The following CPA3 variants were observed in gnomAD, a reference collection of about 807,000 sequenced individuals.
CPA3 encodes carboxypeptidase A3, also known as mast cell carboxypeptidase A.
CPA3 carries 52 observed loss-of-function variants against 55.8 expected under a neutral mutation model. The observed-to-expected ratio is 0.93, with a 90% CI of 0.75 to 1.17. CPA3 has a LOEUF of 1.17. Among genes scored for constraint, CPA3 ranks in the 50% most tolerant of loss-of-function variants. The probability of loss-of-function intolerance (pLI) is 0.00; values close to 1 mark genes in which losing one functional copy is unlikely to be tolerated. For missense variants in CPA3, 547 were observed against 509.1 expected (o/e 1.07, Z -0.72); for synonymous variants, 179 against 171.2 (o/e 1.05, Z -0.36).
chr3:148,896,640 C>A lies in CPA3; in HGVS notation c.1187C>A (p.Pro396Gln). ...GFLLPESRIKPTCRETMLAVK... is the reference protein window; with the variant it reads ...GFLLPESRIKQTCRETMLAVK... Reference sequence around the variant, plus strand: ...CTCCTTCCAGAATCCCGGATAAAGCCAACGTGCAGAGAGACCATGCTAGCT... The same window carrying A: ...CTCCTTCCAGAATCCCGGATAAAGCAAACGTGCAGAGAGACCATGCTAGCT... The change falls in exon 11 of 11, where the codon CCA becomes CAA. Residue 396 changes from proline (P) to glutamine (Q), a missense_variant. Transcript: ENST00000296046. The A allele has an allele frequency of 1.3e-6, 2 of 1,589,692 alleles. No individual in the cohort carries two copies. Among genetic ancestry groups the A allele is most frequent in the Non-Finnish European group, 1.7e-6 (2 of 1,161,698 alleles).
chr3:148,888,941 G>C (rs1714601280), intron 10 of CPA3, among the ~76,000 whole-genome samples: 2 of 152,194 alleles, frequency 1.3e-5, no homozygotes, highest in African/African-American at 4.8e-5. Flanking sequence ...ATTCTAAGTG[G>C]AAGGAGCGGA....
At chr3:148,874,815 G>A (rs1714165059) in intron 3 of CPA3, among the ~76,000 whole-genome samples, 1 of 152,190 alleles carries the variant, frequency 6.6e-6, no homozygotes, top group Non-Finnish European at 1.5e-5. Flanking sequence ...ATAAGAAATT[G>A]AAGAAATCAA....
At chr3:148,896,438 C>T (rs1167426764) in intron 10 of CPA3, 82 bp from the exon 11 acceptor site, 76 of 1,183,404 alleles carry the variant, frequency 6.4e-5, no homozygotes, top group Non-Finnish European at 8.5e-5. Context: ...TTTTTTATTG[C>T]TAATTATACA....
chr3:148,891,416 G>T (rs1432212471), intron 10 of CPA3, among the ~76,000 whole-genome samples: 3 of 151,338 alleles, frequency 2.0e-5, no homozygotes, highest in South Asian at 2.1e-4. Context: ...GGACGTCGAG[G>T]ATACAGTGAG....
chr3:148,876,037 A>G (rs772665491), intron 3 of CPA3, among the ~76,000 whole-genome samples: 1 of 152,090 alleles, frequency 6.6e-6, no homozygotes, highest in African/African-American at 2.4e-5. Flanking sequence ...GGCAGAAGAA[A>G]TAACACAGAA....
intron 10 of CPA3, among the ~76,000 whole-genome samples, chr3:148,886,405 A>T (rs1343558892): frequency 6.6e-6 from 1 of 152,190 alleles, no homozygotes; most frequent in Non-Finnish European, 1.5e-5. Flanking sequence ...TTACAGGGTT[A>T]CAAGGTCAAC....
intron 7 of CPA3, among the ~76,000 whole-genome samples, 171 bp downstream of exon 7, chr3:148,881,803 C>A (rs914098957): frequency 1.3e-5 from 2 of 151,962 alleles, no homozygotes; most frequent in African/African-American, 4.8e-5. Context: ...GCATAGGTAT[C>A]CTTGAAATAA....
chr3:148,871,490 C>T (rs758370560), intron 3 of CPA3, among the ~76,000 whole-genome samples: 31 of 152,160 alleles, frequency 2.0e-4, no homozygotes, highest in Admixed American at 3.3e-4. Context: ...CTGTAAGACA[C>T]CTAGGCAGGC....
At chr3:148,870,956 T>C (rs1714048726) in intron 3 of CPA3, among the ~76,000 whole-genome samples, 1 of 152,206 alleles carries the variant, frequency 6.6e-6, no homozygotes, top group Non-Finnish European at 1.5e-5. Flanking sequence ...TGGAGTGCAG[T>C]GGCGCAATCT....
chr3:148,884,447 GATAA>G (rs1380141749), intron 9 of CPA3, among the ~76,000 whole-genome samples: 4 of 152,154 alleles, frequency 2.6e-5, no homozygotes, highest in Non-Finnish European at 5.9e-5. Context: ...TGCATAGAGG[GATAA>G]ATATTTTGAA....
Position 148,882,573 on chromosome 3 carries a change from G to A in CPA3, c.756G>A (p.Arg252=), listed in dbSNP as rs1180587358. The change falls in exon 8 of 11, where the codon AGG becomes AGA. Residue 252 remains arginine, a synonymous_variant. Coordinates refer to ENST00000296046, the MANE Select transcript of CPA3 (RefSeq NM_001870.4). ...AATGCATCGGCACTGACCTCAACAG[G>A]AATTTTAATGCTTCATGGAACTGTG... ...NSKCIGTDLN[R]NFNASWNSIP... 2 of 1,613,618 alleles carry A rather than the reference G, an allele frequency of 1.2e-6. No homozygotes were observed. The highest frequency in any genetic ancestry group is 1.7e-6 in the Non-Finnish European group (2 of 1,179,660).
chr3:148,876,834 C>A (rs1203806643), intron 3 of CPA3, among the ~76,000 whole-genome samples: 3 of 152,014 alleles, frequency 2.0e-5, no homozygotes, highest in Non-Finnish European at 4.4e-5. Context: ...AATTCCCAGA[C>A]AAAATAAATA....
At chr3:148,893,984 G>C (rs1714751624) in intron 10 of CPA3, among the ~76,000 whole-genome samples, 1 of 152,204 alleles carries the variant, frequency 6.6e-6, no homozygotes, top group African/African-American at 2.4e-5. Context: ...GAAATCAGCA[G>C]ATGTGTGCCC....
In CPA3 at chr3:148,885,406, C is replaced by CTT. The variant is rs10712598; in HGVS notation, c.982-664_982-663dup. Reference sequence around the variant, plus strand: ...TATATAATCGACTGCATATTTAAGTCTTTTTTTTTTTTTTTTTTTTTTTTA... The same window carrying CTT: ...TATATAATCGACTGCATATTTAAGTCTTTTTTTTTTTTTTTTTTTTTTTTTTA... On this transcript the variant is annotated intron_variant, in intron 9 of 10. Coordinates refer to ENST00000296046, the MANE Select transcript of CPA3 (RefSeq NM_001870.4). 1.1e-3 allele frequency among the ~76,000 whole-genome samples: 100 copies of CTT among 88,328 alleles called. 2 individuals are homozygous for CTT. The highest frequency in any genetic ancestry group is 2.6e-3 in the South Asian group (6 of 2,268). The allele number at this position is 88,328 out of a possible 152,430, so 57.9% of individuals were successfully genotyped here.
At chr3:148,868,858 T>C (rs1713979787) in intron 2 of CPA3, 57 bp from the exon 3 acceptor site, 4 of 1,578,284 alleles carry the variant, frequency 2.5e-6, no homozygotes, top group Middle Eastern at 3.4e-4. Flanking sequence ...CATTTCTTAA[T>C]CAATAAGTGT....
At chr3:148,882,618 A>T (rs1319408453) in intron 8 of CPA3, 23 bp downstream of exon 8, 9 of 1,593,448 alleles carry the variant, frequency 5.6e-6, no homozygotes, top group Non-Finnish European at 7.7e-6. Context: ...CTTGCTATCA[A>T]GGAAAATTGC....
chr3:148,869,448 A>G (rs1422944354), intron 3 of CPA3, among the ~76,000 whole-genome samples: 1 of 152,146 alleles, frequency 6.6e-6, no homozygotes. Context: ...TTCCTGATAC[A>G]TAAAAGGAGA....
chr3:148,884,775 G>A (rs893210616), intron 9 of CPA3, among the ~76,000 whole-genome samples: 3 of 151,318 alleles, frequency 2.0e-5, no homozygotes, highest in Non-Finnish European at 2.9e-5. Flanking sequence ...ATCTGAGGGC[G>A]TGAGTTCAAT....
At chr3:148,884,989 T>A (rs1576583765) in intron 9 of CPA3, among the ~76,000 whole-genome samples, 1 of 152,212 alleles carries the variant, frequency 6.6e-6, no homozygotes, top group African/African-American at 2.4e-5. Context: ...TCTTTGTGAG[T>A]GCAAATATGT....
Sources: gnomAD v4.1 joint callset for allele counts (sites outside exome capture counted in the v4.1 genomes callset) on GRCh38, gnomAD v4.1.1 for gene constraint, MANE v1.5 for transcripts, NCBI Gene and HGNC (gene_info 2026-07-23, HGNC 2026-07-21) for gene names.